Variants in PLPPR1 observed in about 807,000 individuals in gnomAD.
The protein encoded by PLPPR1 is phospholipid phosphatase related 1.
Under a neutral mutation model 33.1 loss-of-function variants are expected in PLPPR1, and 10 were observed. The ratio of observed to expected loss-of-function variants is 0.30; its 90% confidence interval spans 0.19 to 0.51. The LOEUF is 0.51. Among genes scored for constraint, PLPPR1 ranks in the 20% least tolerant of loss-of-function variants. PLPPR1 has a pLI of 0.97. For missense variants in PLPPR1, 304 were observed against 408.1 expected, an observed-to-expected ratio of 0.74 and a Z score of 2.20; for synonymous variants, 151 against 151.0, an observed-to-expected ratio of 1.00 and a Z score of 0.00.
intron 1 of PLPPR1, among the ~76,000 whole-genome samples, chr9:101,122,026 G>A (rs1001237117): frequency 6.6e-6 from 1 of 152,194 alleles, no homozygotes; most frequent in Non-Finnish European, 1.5e-5. Flanking sequence ...TAGAAAGCTG[G>A]AGCATGTCCA....
chr9:101,109,991 G>A (rs1465462636), intron 1 of PLPPR1, among the ~76,000 whole-genome samples: 1 of 152,120 alleles, frequency 6.6e-6, no homozygotes, highest in Non-Finnish European at 1.5e-5. Context: ...TCCCAGCAAA[G>A]TATCCCAGAC....
rs537079018 is a variant in PLPPR1, at chr9:101,142,490, G to A, written c.-45-42960G>A. 7.9e-5 allele frequency among the ~76,000 whole-genome samples: 12 copies of A among 152,240 alleles called. No homozygotes were observed. In the South Asian group the frequency reaches 2.5e-3, roughly 32 times the overall value. On this transcript the variant is annotated intron_variant, in intron 1 of 7. Coordinates refer to ENST00000374874, the MANE Select transcript of PLPPR1 (RefSeq NM_207299.2). ...CATCAGGGATAAGAGGAACTCCTAC[G>A]AGGAATTTCCTCTGTGATTAGTCTT...
chr9:101,183,468 AG>A (rs1297873872), intron 1 of PLPPR1, among the ~76,000 whole-genome samples: 4 of 151,826 alleles, frequency 2.6e-5, no homozygotes, highest in Non-Finnish European at 5.9e-5. Context: ...CTGTAGAGTC[AG>A]AAAGCAGATT....
At chr9:101,295,542 C>T (rs1269312979) in intron 4 of PLPPR1, among the ~76,000 whole-genome samples, 1 of 152,092 alleles carries the variant, frequency 6.6e-6, no homozygotes, top group South Asian at 2.1e-4. Context: ...CACTACCTGA[C>T]TTCAAACTAT....
intron 4 of PLPPR1, among the ~76,000 whole-genome samples, chr9:101,291,157 G>T (rs1357407365): frequency 6.6e-6 from 1 of 152,346 alleles, no homozygotes; most frequent in Admixed American, 6.5e-5. Flanking sequence ...GGCTCGGAGG[G>T]TCCTACGCCC....
chr9:101,224,381 AT>A (rs898417345), intron 2 of PLPPR1, among the ~76,000 whole-genome samples: 7 of 152,132 alleles, frequency 4.6e-5, no homozygotes, highest in African/African-American at 1.7e-4. Context: ...AAAAGCTTCC[AT>A]TTTGATGACT....
chr9:101,304,992 A>G (rs986623969), intron 4 of PLPPR1, among the ~76,000 whole-genome samples: 3 of 152,178 alleles, frequency 2.0e-5, no homozygotes, highest in East Asian at 3.9e-4. Flanking sequence ...ATTTAGGAAA[A>G]AAAAAGGTAA....
chr9:101,089,844 T>C (rs1347843180), intron 1 of PLPPR1, among the ~76,000 whole-genome samples: 4 of 152,198 alleles, frequency 2.6e-5, no homozygotes, highest in African/African-American at 9.7e-5. Flanking sequence ...GATACATATT[T>C]CTAAACTGTC....
At position 101,261,998 on chromosome 9, in the gene PLPPR1, G is replaced by C. The variant is rs553260658; in HGVS notation, c.64-7882G>C. The stretch of plus-strand genomic sequence containing the variant: ...TGAACTTAAAAGTTAAAAAAAAAAA[G>C]ATATAGCTCTGTATTTAACTAACTG... On this transcript the variant is annotated intron_variant, in intron 2 of 7. Coordinates refer to ENST00000374874, the MANE Select transcript of PLPPR1 (RefSeq NM_207299.2). Among the ~76,000 whole-genome samples the C allele has an allele frequency of 4.0e-5, 6 of 151,626 alleles. No individual in the cohort carries two copies. In the East Asian group the frequency reaches 1.2e-3, roughly 29 times the overall value.
At chr9:101,230,638 T>C (rs556924391) in intron 2 of PLPPR1, among the ~76,000 whole-genome samples, 2 of 152,134 alleles carry the variant, frequency 1.3e-5, no homozygotes, top group Admixed American at 6.6e-5. Context: ...TATTAGGAGG[T>C]CCACCTAAGT....
intron 3 of PLPPR1, among the ~76,000 whole-genome samples, chr9:101,270,987 G>A (rs12001649): frequency 0.013 from 1,955 of 152,154 alleles, 32 homozygotes; most frequent in African/African-American, 0.042. Flanking sequence ...TATTCAGTTC[G>A]AATATTAGTT....
chr9:101,285,486 C>T (rs1033199963), intron 3 of PLPPR1, among the ~76,000 whole-genome samples: 1 of 152,126 alleles, frequency 6.6e-6, no homozygotes, highest in African/African-American at 2.4e-5. Flanking sequence ...TGTAATGGCA[C>T]ATAATAAAGT....
intron 2 of PLPPR1, among the ~76,000 whole-genome samples, chr9:101,249,840 G>A (rs1222525237): frequency 2.0e-5 from 3 of 152,020 alleles, no homozygotes; most frequent in Non-Finnish European, 2.9e-5. Flanking sequence ...AGCAAGAAAA[G>A]GTTTTGTAGC....
intron 1 of PLPPR1, among the ~76,000 whole-genome samples, chr9:101,173,195 A>G (rs1196256129): frequency 6.6e-6 from 1 of 152,162 alleles, no homozygotes. Flanking sequence ...AATTTAATAT[A>G]CAGTTATTTA....
chr9:101,030,847 G>A (rs1398236282), intron 1 of PLPPR1, among the ~76,000 whole-genome samples: 1 of 151,790 alleles, frequency 6.6e-6, no homozygotes, highest in Non-Finnish European at 1.5e-5. Flanking sequence ...GTGGGAGAAA[G>A]CATGATATTT....
At chr9:101,193,804 T>A (rs1826344124) in intron 2 of PLPPR1, among the ~76,000 whole-genome samples, 1 of 152,206 alleles carries the variant, frequency 6.6e-6, no homozygotes, top group African/African-American at 2.4e-5. Context: ...CAATAGATGT[T>A]ACACTTGAGA....
Position 101,127,830 on chromosome 9 carries a change from C to T in PLPPR1, c.-45-57620C>T, listed in dbSNP as rs551915120. Among the ~76,000 whole-genome samples the T allele has an allele frequency of 3.3e-5, 5 of 152,218 alleles. No individual in the cohort carries two copies. The South Asian group carries it at 1.0e-3, about 32-fold the overall frequency. ...TTATGTCAGACATGCAAGCCTTGCC[C>T]CAGCTTCTCCCAACACTCATCTTTT... On this transcript the variant is annotated intron_variant, in intron 1 of 7. Transcript: ENST00000374874.
At chr9:101,273,412 G>A (rs1017927337) in intron 3 of PLPPR1, among the ~76,000 whole-genome samples, 15 of 152,312 alleles carry the variant, frequency 9.8e-5, no homozygotes, top group African/African-American at 3.6e-4. Flanking sequence ...TACAGGGCAT[G>A]TGGCTTTTCA....
chr9:101,200,300 A>G (rs1267688503), intron 2 of PLPPR1, among the ~76,000 whole-genome samples: 1 of 152,090 alleles, frequency 6.6e-6, no homozygotes, highest in Non-Finnish European at 1.5e-5. Context: ...CACACTCATT[A>G]ATGGACCTCA....
Sources: gnomAD v4.1 joint callset for allele counts (sites outside exome capture counted in the v4.1 genomes callset) on GRCh38, gnomAD v4.1.1 for gene constraint, MANE v1.5 for transcripts, NCBI Gene and HGNC (gene_info 2026-07-23, HGNC 2026-07-21) for gene names.